Variants in BACH2 observed in about 807,000 individuals in gnomAD.
BACH2 encodes transcription regulator protein BACH2.
BACH2 carries 5 observed loss-of-function variants against 61.8 expected under a neutral mutation model. The observed-to-expected ratio is 0.08, with a 90% CI of 0.04 to 0.17. BACH2 has a LOEUF of 0.17. BACH2 is among the 10% of genes least tolerant of loss of function. The pLI is 1.00. For missense variants in BACH2, 824 were observed against 1,091.1 expected (o/e 0.76, Z 3.45); for synonymous variants, 446 against 440.1 (o/e 1.01, Z -0.17).
chr6:90,030,294 G>C (rs1778896142), intron 5 of BACH2, among the ~76,000 whole-genome samples: 1 of 152,146 alleles, frequency 6.6e-6, no homozygotes, highest in African/African-American at 2.4e-5. Context: ...CTTTCAGAAT[G>C]TGACAGCGAC....
At chr6:90,014,707 T>C (rs1446746583) in intron 5 of BACH2, among the ~76,000 whole-genome samples, 1 of 151,456 alleles carries the variant, frequency 6.6e-6, no homozygotes, top group Admixed American at 6.6e-5. Flanking sequence ...TCTCTTGACC[T>C]CATGATCCAC....
chr6:90,117,049 G>A, intron 4 of BACH2: 1 of 330,786 alleles, frequency 3.0e-6, no homozygotes, highest in Non-Finnish European at 6.0e-6. Flanking sequence ...TATGAATTCA[G>A]CCATTGTTCA....
At chr6:90,011,061 A>G (rs1289111370) in intron 5 of BACH2, among the ~76,000 whole-genome samples, 1 of 152,172 alleles carries the variant, frequency 6.6e-6, no homozygotes, top group Non-Finnish European at 1.5e-5. Flanking sequence ...AGTGTCTTTC[A>G]AGGAACAGAA....
intron 4 of BACH2, among the ~76,000 whole-genome samples, chr6:90,141,684 T>A (rs1295855969): frequency 6.6e-6 from 1 of 152,206 alleles, no homozygotes; most frequent in Non-Finnish European, 1.5e-5. Context: ...ATCATCTTCT[T>A]ATGATACCTA....
intron 7 of BACH2, among the ~76,000 whole-genome samples, chr6:89,942,048 TG>T (rs11364373): frequency 0.57 from 87,138 of 151,962 alleles, 26,352 homozygotes; most frequent in East Asian, 0.91. Flanking sequence ...GAAAAGGTAA[TG>T]GGTCAACTAT....
intron 4 of BACH2, among the ~76,000 whole-genome samples, chr6:90,171,282 G>A (rs1021278069): frequency 6.6e-6 from 1 of 151,952 alleles, no homozygotes; most frequent in Middle Eastern, 3.2e-3. Context: ...GTGTGGTAGT[G>A]TGCACCCGTA....
Position 89,934,922 on chromosome 6 carries a change from G to A in BACH2, c.2044-2032C>T, listed in dbSNP as rs575796515. On this transcript the variant is annotated intron_variant, in intron 8 of 8. Coordinates refer to ENST00000257749, the MANE Select transcript of BACH2 (RefSeq NM_021813.4). Reference sequence around the variant, plus strand: ...GTAACATGAATGCAATCTGGCAGGCGGCGTGGGCATGTGTGTCGGAAAGAG... The same window carrying A: ...GTAACATGAATGCAATCTGGCAGGCAGCGTGGGCATGTGTGTCGGAAAGAG... Among the ~76,000 whole-genome samples the A allele has an allele frequency of 5.3e-5, 8 of 152,288 alleles. No homozygotes were observed. In the East Asian group the frequency reaches 1.2e-3, roughly 22 times the overall value.
intron 6 of BACH2, among the ~76,000 whole-genome samples, chr6:89,972,763 G>GTTTT (rs1276256724): frequency 6.6e-6 from 1 of 152,106 alleles, no homozygotes; most frequent in East Asian, 1.9e-4. Flanking sequence ...ATGAGAAAGA[G>GTTTT]GTGAAAGTTC....
chr6:90,206,438 C>A (rs983039585), intron 4 of BACH2, 131 bp downstream of exon 4: 1 of 152,374 alleles, frequency 6.6e-6, no homozygotes, highest in Admixed American at 6.6e-5. Flanking sequence ...GGGGATCACA[C>A]GACTCTCCAA....
intron 4 of BACH2, among the ~76,000 whole-genome samples, chr6:90,154,137 T>A (rs1784912734): frequency 6.6e-6 from 1 of 152,158 alleles, no homozygotes; most frequent in Admixed American, 6.5e-5. Flanking sequence ...AAAGCTGTAT[T>A]TTGGCTGGGA....
intron 5 of BACH2, among the ~76,000 whole-genome samples, chr6:90,047,587 T>C (rs1016617835): frequency 6.6e-6 from 1 of 152,154 alleles, no homozygotes; most frequent in African/African-American, 2.4e-5. Flanking sequence ...CACCTTCGAG[T>C]GTCCGCAGTT....
chr6:90,162,800 C>T (rs754592032), intron 4 of BACH2, among the ~76,000 whole-genome samples: 1 of 152,188 alleles, frequency 6.6e-6, no homozygotes, highest in African/African-American at 2.4e-5. Context: ...ATCTCTGATG[C>T]TGCCCATTCT....
intron 5 of BACH2, among the ~76,000 whole-genome samples, chr6:90,045,953 C>A (rs1199264234): frequency 6.6e-6 from 1 of 152,118 alleles, no homozygotes; most frequent in South Asian, 2.1e-4. Flanking sequence ...CTTCTCTCCC[C>A]TAAAAACCAT....
chr6:90,011,994 C>T (rs1777752887), intron 5 of BACH2, among the ~76,000 whole-genome samples: 1 of 145,244 alleles, frequency 6.9e-6, no homozygotes, highest in African/African-American at 2.5e-5. Flanking sequence ...TGAGGTCTCG[C>T]CATATTGCCC....
At chr6:90,128,375 G>T (rs969230721) in intron 4 of BACH2, among the ~76,000 whole-genome samples, 10 of 152,152 alleles carry the variant, frequency 6.6e-5, no homozygotes, top group Non-Finnish European at 1.2e-4. Flanking sequence ...GAGGTAAAGA[G>T]ATCCAGACCA....
chr6:89,939,959 C>A (rs1311755445), intron 7 of BACH2, among the ~76,000 whole-genome samples: 2 of 151,416 alleles, frequency 1.3e-5, no homozygotes, highest in Non-Finnish European at 2.9e-5. Flanking sequence ...TACTCAGCCT[C>A]CCAAAGTGTT....
intron 5 of BACH2, among the ~76,000 whole-genome samples, chr6:90,010,053 C>T (rs1459044048): frequency 6.6e-6 from 1 of 152,180 alleles, no homozygotes; most frequent in Non-Finnish European, 1.5e-5. Flanking sequence ...AGTAAGAATT[C>T]CAGTAGCGAG....
chr6:90,014,468 ATTTTTTTTT>A (rs1164045089), intron 5 of BACH2, among the ~76,000 whole-genome samples: 125 of 32,214 alleles, frequency 3.9e-3, no homozygotes, highest in South Asian at 7.3e-3. Flanking sequence ...ATATATATAT[ATTTTTTTTT>A]TTTTTTTTTT....
intron 4 of BACH2, among the ~76,000 whole-genome samples, chr6:90,189,479 G>C (rs1018637525): frequency 1.5e-4 from 23 of 152,076 alleles, no homozygotes; most frequent in Admixed American, 5.2e-4. Flanking sequence ...GCGGTGGCGG[G>C]CGCCCGTAGT....
Sources: allele counts gnomAD v4.1 joint callset (sites outside exome capture counted in the v4.1 genomes callset), GRCh38; gene constraint gnomAD v4.1.1; transcripts MANE v1.5; gene names NCBI Gene and HGNC (gene_info 2026-07-23, HGNC 2026-07-21).